Variants in SNURF observed in about 807,000 individuals in gnomAD.
The protein encoded by SNURF is SNRPN upstream open reading frame, also known as SNURF protein.
Under a neutral mutation model 11.6 loss-of-function variants are expected in SNURF, and 6 were observed. That is an observed-to-expected ratio of 0.52 (90% CI 0.28 to 1.02). The LOEUF is 1.02. Among genes scored for constraint, SNURF ranks in the 50% least tolerant of loss-of-function variants. The pLI, the probability that SNURF is intolerant of heterozygous loss-of-function variation, is 0.09. For synonymous variants in SNURF, 29 were observed against 31.6 expected (o/e 0.92, Z 0.27); for missense variants, 84 against 88.4 (o/e 0.95, Z 0.20).
At chr15:24,977,371 GGCTTAC>G (rs2077181295) in intron 6 of SNURF, among the ~76,000 whole-genome samples, 1 of 152,102 alleles carries the variant, frequency 6.6e-6, no homozygotes, top group African/African-American at 2.4e-5. Context: ...CGGGTGCAGT[GGCTTAC>G]GCCTGTAATC....
At chr15:24,964,934 A>G (rs757949454) in intron 2 of SNURF, among the ~76,000 whole-genome samples, 4 of 152,174 alleles carry the variant, frequency 2.6e-5, no homozygotes, top group Non-Finnish European at 5.9e-5. Context: ...CACTGCATAT[A>G]TATGTACAAA....
chr15:24,977,892 G>A, downstream of SNURF: 2 of 1,578,820 alleles, frequency 1.3e-6, no homozygotes, highest in Non-Finnish European at 1.7e-6. Context: ...GCCCCCACCC[G>A]TCGGCAGAGC....
At chr15:24,955,879 C>T (rs1596153632) in intron 1 of SNURF, among the ~76,000 whole-genome samples, 1 of 151,800 alleles carries the variant, frequency 6.6e-6, no homozygotes, top group Non-Finnish European at 1.5e-5. Flanking sequence ...GCCGCGGGGC[C>T]TGTCGCTGTC....
chr15:24,962,940 G>A (rs961691589), intron 2 of SNURF, among the ~76,000 whole-genome samples: 1 of 151,958 alleles, frequency 6.6e-6, no homozygotes, highest in African/African-American at 2.4e-5. Context: ...AATTCATGAA[G>A]ATGATTCTTT....
chr15:24,971,594 C>G (rs1204979756), downstream of SNURF, among the ~76,000 whole-genome samples: 1 of 151,870 alleles, frequency 6.6e-6, no homozygotes, highest in Non-Finnish European at 1.5e-5. Context: ...GTCTTCAGTT[C>G]TTTGGGCCAT....
chr15:24,956,359 G>GGGGT lies in SNURF; in HGVS notation c.14+1299_14+1300insGTGG, dbSNP rs200069493. ...GATCTGCGCAAGCGCTTCAGCGGGG[G>GGGGT]GGTGGCCGCTTCCTCCCTGTAGAGC... On this transcript the variant is annotated intron_variant, in intron 1 of 2. Transcript: ENST00000577949. 7.3e-5 allele frequency among the ~76,000 whole-genome samples: 11 copies of GGGGT among 151,286 alleles called. 1 individual carries two copies. The highest frequency in any genetic ancestry group is 2.6e-4 in the Admixed American group (4 of 15,178).
intron 1 of SNURF, among the ~76,000 whole-genome samples, chr15:24,955,707 G>T (rs1380167675): frequency 1.3e-5 from 2 of 150,648 alleles, no homozygotes; most frequent in Non-Finnish European, 3.0e-5. Context: ...TGGTCGCGGC[G>T]CGGGGAGAGT....
chr15:24,977,019 C>T (rs1335946125), exon 6 of SNURF: 1 of 1,573,530 alleles, frequency 6.4e-7, no homozygotes, highest in Non-Finnish European at 8.6e-7. Flanking sequence ...GTTGGGGGAC[C>T]ATCCCAGCAG....
chr15:24,970,774 A>G (rs2076299612), downstream of SNURF, among the ~76,000 whole-genome samples: 1 of 152,316 alleles, frequency 6.6e-6, no homozygotes, highest in Admixed American at 6.5e-5. Flanking sequence ...TTAGTAGACC[A>G]TTAGTTTCTC....
intron 4 of SNURF, chr15:24,976,215 G>A: frequency 1.0e-6 from 1 of 976,222 alleles, no homozygotes; most frequent in Non-Finnish European, 1.6e-6. Context: ...AGCATCAGTT[G>A]TCTTAATTGA....
intron 2 of SNURF, among the ~76,000 whole-genome samples, chr15:24,965,880 T>C (rs1162967930): frequency 6.6e-6 from 1 of 151,674 alleles, no homozygotes; most frequent in Non-Finnish European, 1.5e-5. Context: ...TATTTTTTTT[T>C]ACTGAAACAC....
chr15:24,966,483 C>A (rs908403614), intron 2 of SNURF, among the ~76,000 whole-genome samples: 2 of 152,106 alleles, frequency 1.3e-5, no homozygotes, highest in African/African-American at 4.8e-5. Context: ...CTGGACATGT[C>A]ACTGAATTCA....
intron 3 of SNURF, among the ~76,000 whole-genome samples, chr15:24,973,923 G>GA (rs771758257): frequency 1.4e-4 from 21 of 151,968 alleles, no homozygotes; most frequent in Non-Finnish European, 2.9e-4. Flanking sequence ...AGGTATTTCA[G>GA]AAAAAAGGAA....
intron 4 of SNURF, chr15:24,975,539 GA>G (rs767511521): frequency 5.0e-6 from 8 of 1,600,030 alleles, no homozygotes; most frequent in Non-Finnish European, 4.3e-6. Context: ...ATGGGGGTTG[GA>G]CACAGAGGCA....
At chr15:24,956,357 G>C (rs931458936) in intron 1 of SNURF, among the ~76,000 whole-genome samples, 1 of 151,704 alleles carries the variant, frequency 6.6e-6, no homozygotes, top group Admixed American at 6.6e-5. Flanking sequence ...GCTTCAGCGG[G>C]GGGGTGGCCG....
Position 24,966,002 on chromosome 15 carries a change from TTAGAGTA to T in SNURF, c.111-1927_111-1921del, listed in dbSNP as rs201282448. Among the ~76,000 whole-genome samples the T allele has an allele frequency of 4.7e-4, 72 of 152,262 alleles. 1 individual carries two copies. The East Asian group carries it at 0.013, about 29-fold the overall frequency. ...ATTTATTCAGTGATTAGACTATGAA[TTAGAGTA>T]TAAAGTAGACTATGAATTAGAGTGT... On this transcript the variant is annotated intron_variant, in intron 2 of 2. Coordinates refer to ENST00000577949, the Ensembl canonical transcript of SNURF.
intron 1 of SNURF, among the ~76,000 whole-genome samples, chr15:24,958,058 T>G (rs1035453820): frequency 1.3e-5 from 2 of 152,190 alleles, no homozygotes; most frequent in African/African-American, 4.8e-5. Flanking sequence ...CTAACTGATT[T>G]GGATTTATTC....
At position 24,968,041 on chromosome 15, in the gene SNURF, C is replaced by T. The variant is rs556831171; in HGVS notation, c.*4C>T. On this transcript the variant is annotated 3_prime_UTR_variant, in exon 3 of 3. Transcript: ENST00000577949. ...TGAGACACCAAGAGGTGGTTAAAGC[C>T]ATATTGGAGTAGCGAGGAATCTGAT... 266 of 1,613,234 alleles carry T rather than the reference C, an allele frequency of 1.6e-4. 3 individuals are homozygous for T. In the South Asian group the frequency reaches 2.8e-3, roughly 17 times the overall value.
At chr15:24,958,504 T>G (rs895677873) in intron 1 of SNURF, among the ~76,000 whole-genome samples, 2 of 136,392 alleles carry the variant, frequency 1.5e-5, no homozygotes, top group Admixed American at 7.3e-5. Context: ...TTTTTTTTTT[T>G]TTTTTTTTTT....
Sources: allele counts gnomAD v4.1 joint callset (sites outside exome capture counted in the v4.1 genomes callset), GRCh38; gene constraint gnomAD v4.1.1; transcripts MANE v1.5; gene names NCBI Gene and HGNC (gene_info 2026-07-23, HGNC 2026-07-21).